The following ACTL6A variants were observed in gnomAD, a reference collection of about 807,000 sequenced individuals.
The protein encoded by ACTL6A is actin-like protein 6A.
A neutral mutation model predicts 59.2 loss-of-function variants in ACTL6A; 5 were observed. The observed-to-expected ratio is 0.08, with a 90% confidence interval of 0.04 to 0.18. ACTL6A has a LOEUF of 0.18. Among genes scored for constraint, ACTL6A ranks in the 10% least tolerant of loss-of-function variants. The pLI is 1.00. For missense variants in ACTL6A, 285 were observed against 526.9 expected, an observed-to-expected ratio of 0.54 and a Z score of 4.49; for synonymous variants, 154 against 171.8, an observed-to-expected ratio of 0.90 and a Z score of 0.81.
At chr3:179,564,654 C>T (rs1384890122) in intron 1 of ACTL6A, among the ~76,000 whole-genome samples, 1 of 152,078 alleles carries the variant, frequency 6.6e-6, no homozygotes, top group African/African-American at 2.4e-5. Context: ...ATTAAAATTC[C>T]ACCATATCCA....
chr3:179,582,170 G>A (rs1212358949), intron 11 of ACTL6A, among the ~76,000 whole-genome samples: 3 of 152,130 alleles, frequency 2.0e-5, no homozygotes, highest in Non-Finnish European at 2.9e-5. Flanking sequence ...TTTTTTTAGC[G>A]CAAATACAAT....
chr3:179,568,275 A>C (rs1717899615), intron 1 of ACTL6A, among the ~76,000 whole-genome samples: 1 of 152,178 alleles, frequency 6.6e-6, no homozygotes, highest in Non-Finnish European at 1.5e-5. Flanking sequence ...AAGTTTTTGA[A>C]ATATTTTAAA....
intron 12 of ACTL6A, among the ~76,000 whole-genome samples, chr3:179,585,114 T>C (rs905050574): frequency 4.6e-5 from 7 of 152,140 alleles, no homozygotes; most frequent in African/African-American, 1.7e-4. Context: ...ATTTATTTAT[T>C]TACTTGAGAT....
At chr3:179,565,465 A>G (rs1013683104) in intron 1 of ACTL6A, among the ~76,000 whole-genome samples, 2 of 149,194 alleles carry the variant, frequency 1.3e-5, no homozygotes, top group African/African-American at 2.4e-5. Flanking sequence ...TATTACATAT[A>G]TGTTGTATAT....
intron 8 of ACTL6A, among the ~76,000 whole-genome samples, chr3:179,577,816 C>CTT (rs539879595): frequency 2.9e-5 from 4 of 137,938 alleles, no homozygotes; most frequent in East Asian, 2.1e-4. Flanking sequence ...TGATCTCATT[C>CTT]TTTTTTTTTT....
At chr3:179,572,668 G>A (rs961843286) in intron 3 of ACTL6A, among the ~76,000 whole-genome samples, 16 of 152,236 alleles carry the variant, frequency 1.1e-4, no homozygotes, top group African/African-American at 1.7e-4. Context: ...AGTTGGGTAC[G>A]GTGGCGGGCA....
intron 12 of ACTL6A, 37 bp from the exon 13 acceptor site, chr3:179,586,509 A>G (rs1718495854): frequency 2.8e-6 from 4 of 1,405,654 alleles, no homozygotes; most frequent in Non-Finnish European, 2.9e-6. Context: ...TTGAGTCACA[A>G]GATTTGATTG....
intron 4 of ACTL6A, 26 bp downstream of exon 4, chr3:179,573,495 G>A (rs375458450): frequency 4.7e-5 from 66 of 1,397,558 alleles, no homozygotes; most frequent in Non-Finnish European, 6.1e-5. Flanking sequence ...TCTTTTTCAC[G>A]TTTCTCTAGT....
chr3:179,584,787 GA>G (rs951228853), intron 12 of ACTL6A, among the ~76,000 whole-genome samples: 1 of 149,580 alleles, frequency 6.7e-6, no homozygotes, highest in Non-Finnish European at 1.5e-5. Context: ...TCTGGCTCAG[GA>G]AAAAAAAACA....
At chr3:179,573,173 C>A in intron 3 of ACTL6A, 196 bp from the exon 4 acceptor site, 1 of 430,114 alleles carries the variant, frequency 2.3e-6, no homozygotes, top group Non-Finnish European at 4.1e-6. Context: ...GCTGGAGGGA[C>A]CAAAAAGAAG....
intron 1 of ACTL6A, among the ~76,000 whole-genome samples, chr3:179,563,595 C>G (rs1039954878): frequency 6.6e-6 from 1 of 152,288 alleles, no homozygotes; most frequent in African/African-American, 2.4e-5. Flanking sequence ...GGTGGCAAAG[C>G]GAGCCTCAAG....
chr3:179,582,908 A>G (rs780863926), intron 11 of ACTL6A, among the ~76,000 whole-genome samples: 2 of 152,166 alleles, frequency 1.3e-5, no homozygotes, highest in Non-Finnish European at 2.9e-5. Context: ...TGTACACATT[A>G]AAATAATCTT....
intron 1 of ACTL6A, among the ~76,000 whole-genome samples, chr3:179,566,678 TTTGTTGTTG>T (rs376454101): frequency 2.1e-4 from 32 of 152,004 alleles, no homozygotes; most frequent in Non-Finnish European, 3.7e-4. Context: ...ATTTTCTCTT[TTTGTTGTTG>T]TTGTTGTTGT....
At position 179,566,854 on chromosome 3, in the gene ACTL6A, T is replaced by C. The variant is rs192093945; in HGVS notation, c.26-2970T>C. Among the ~76,000 whole-genome samples, 3 of 152,252 alleles carry C rather than the reference T, an allele frequency of 2.0e-5. No homozygotes were observed. The East Asian group carries it at 5.8e-4, about 29-fold the overall frequency. ...ACAGGTGCATACGGCCACGCCCGGC[T>C]AATTTTTTGTATTTTGGGTAGAGTT... On this transcript the variant is annotated intron_variant, in intron 1 of 13. Transcript: ENST00000429709.
At chr3:179,586,734 T>C in intron 13 of ACTL6A, 102 bp downstream of exon 13, 1 of 978,142 alleles carries the variant, frequency 1.0e-6, no homozygotes. Flanking sequence ...CTGTGCATTT[T>C]ATAACTGTCA....
chr3:179,577,031 C>T (rs1430983752), intron 8 of ACTL6A, 118 bp downstream of exon 8: 5 of 652,872 alleles, frequency 7.7e-6, no homozygotes. Context: ...TATTTTCAAG[C>T]TCTTTATTTT....
chr3:179,587,658 G>A (rs1457796641), intron 13 of ACTL6A, among the ~76,000 whole-genome samples: 1 of 152,012 alleles, frequency 6.6e-6, no homozygotes, highest in Non-Finnish European at 1.5e-5. Context: ...AGGATCACAG[G>A]TGCCCAGGAG....
At chr3:179,584,548 G>A (rs1453769402) in intron 12 of ACTL6A, 1 of 151,978 alleles carries the variant, frequency 6.6e-6, no homozygotes, top group Admixed American at 6.5e-5. Flanking sequence ...TTGAACCCGG[G>A]AGGTGGAGGT....
intron 11 of ACTL6A, among the ~76,000 whole-genome samples, chr3:179,581,621 G>A (rs1488064417): frequency 1.3e-5 from 2 of 152,176 alleles, no homozygotes; most frequent in East Asian, 3.8e-4. Flanking sequence ...AATATGTATT[G>A]TTGGTGATTT....
Sources: gnomAD v4.1 joint callset for allele counts (sites outside exome capture counted in the v4.1 genomes callset) on GRCh38, gnomAD v4.1.1 for gene constraint, MANE v1.5 for transcripts, NCBI Gene and HGNC (gene_info 2026-07-23, HGNC 2026-07-21) for gene names.